FAM81A: variants seen among roughly 807,000 people sequenced by gnomAD.
FAM81A encodes family with sequence similarity 81 member A.
Under a neutral mutation model 46.7 loss-of-function variants are expected in FAM81A, and 19 were observed. The observed-to-expected ratio is 0.41, with a 90% confidence interval of 0.28 to 0.60. The LOEUF (loss-of-function observed/expected upper bound fraction) is 0.60. Ranked by LOEUF, FAM81A falls within the 20% of genes least tolerant of loss-of-function variation. The pLI is 0.34. For missense variants in FAM81A, 377 were observed against 453.5 expected, an observed-to-expected ratio of 0.83 and a Z score of 1.53; for synonymous variants, 183 against 152.9, an observed-to-expected ratio of 1.20 and a Z score of -1.45.
At chr15:59,406,087 C>T (rs1443108921) in intron 2 of FAM81A, among the ~76,000 whole-genome samples, 1 of 152,138 alleles carries the variant, frequency 6.6e-6, no homozygotes, top group Non-Finnish European at 1.5e-5. Context: ...AATGTGAAAC[C>T]ACTGGGCACA....
At position 59,460,063 on chromosome 15, in the gene FAM81A, G is replaced by A. The variant is rs374159418; in HGVS notation, c.151G>A (p.Ala51Thr). 11 of 1,613,790 alleles carry A rather than the reference G, an allele frequency of 6.8e-6. No homozygotes were observed. The highest frequency in any genetic ancestry group is 2.2e-5 in the South Asian group (2 of 91,084). The stretch of plus-strand genomic sequence containing the variant: ...AACCACCGCCGCCCTCGTAGAGCAC[G>A]CCTTTCGGATTAAAGATGACATTGT... ...EKTTAALVEHAFRIKDDIVNS... is the reference protein window; with the variant it reads ...EKTTAALVEHTFRIKDDIVNS... The change falls in exon 3 of 9, where the codon GCC (alanine) becomes ACC (threonine). Residue 51 changes from alanine to threonine, a missense_variant. Transcript: ENST00000288228. This position sits in a 1 kb window ranked among gnomAD's most constrained non-coding sequence, Gnocchi z 4.4.
rs1567039164 is a variant in FAM81A, at chr15:59,421,782, TCTATCTATCTAC to T, written c.-78+19428_-78+19439del. 6.1e-3 allele frequency among the ~76,000 whole-genome samples: 879 copies of T among 143,752 alleles called. 13 individuals carry two copies. Among genetic ancestry groups the T allele is most frequent in the African/African-American group, 0.021 (831 of 39,328 alleles). The allele number at this position is 143,752 out of a possible 152,430, so 94.3% of individuals were successfully genotyped here. On this transcript the variant is annotated intron_variant, in intron 2 of 4. Transcript: ENST00000558348. ...ATCTATCTATCTATCTATCTATCTA[TCTATCTATCTAC>T]CTACCTAACTACCTACCAAAAAAGC...
intron 2 of FAM81A, among the ~76,000 whole-genome samples, chr15:59,419,804 C>T (rs1261565332): frequency 1.3e-5 from 2 of 149,802 alleles, no homozygotes; most frequent in Non-Finnish European, 3.0e-5. Flanking sequence ...AGAATCACTC[C>T]TGGAGCTGGA....
chr15:59,421,809 AC>A (rs1317550547), intron 2 of FAM81A, among the ~76,000 whole-genome samples: 4 of 150,876 alleles, frequency 2.7e-5, no homozygotes, highest in East Asian at 3.9e-4. Context: ...CTAACTACCT[AC>A]CAAAAAAGCA....
chr15:59,408,672 C>G (rs1196772832), intron 2 of FAM81A, among the ~76,000 whole-genome samples: 1 of 151,842 alleles, frequency 6.6e-6, no homozygotes, highest in African/African-American at 2.4e-5. Context: ...ACTAAAAATA[C>G]AAAAAAATGA....
At chr15:59,492,511 C>G (rs978779657) in intron 4 of FAM81A, 122 bp downstream of exon 4, 30 of 737,934 alleles carry the variant, frequency 4.1e-5, no homozygotes, top group Non-Finnish European at 6.1e-5. Flanking sequence ...AGTACATTCC[C>G]TCCCTGCTTT....
chr15:59,399,168 C>CAAAACA (rs1336141065), intron 1 of FAM81A, among the ~76,000 whole-genome samples: 1 of 151,822 alleles, frequency 6.6e-6, no homozygotes, highest in Non-Finnish European at 1.5e-5. Context: ...GACTCCATCT[C>CAAAACA]AAAACAAAAA....
At chr15:59,476,457 C>T (rs1402921747) in intron 3 of FAM81A, among the ~76,000 whole-genome samples, 5 of 152,084 alleles carry the variant, frequency 3.3e-5, no homozygotes, top group Admixed American at 6.5e-5. Context: ...TTAAAAAGTA[C>T]TAAAAGGAAG....
At chr15:59,405,990 T>A (rs573955937) in intron 2 of FAM81A, among the ~76,000 whole-genome samples, 103 of 152,312 alleles carry the variant, frequency 6.8e-4, no homozygotes, top group African/African-American at 2.4e-3. Context: ...TTCTGCCTGA[T>A]AACAAATACT....
At position 59,492,295 on chromosome 15, in the gene FAM81A, C is replaced by G. The variant is rs779306552; in HGVS notation, c.319C>G (p.Arg107Gly). 44 of 1,613,120 alleles carry G rather than the reference C, an allele frequency of 2.7e-5. No homozygotes were observed. The highest frequency in any genetic ancestry group is 3.6e-5 in the Non-Finnish European group (42 of 1,179,594). ...GGTACTCCAGGAGCAGATTCGTGCCCGGGACAACATTAGCTATGGAACTAA... is the reference window on the plus strand; with the variant it reads ...GGTACTCCAGGAGCAGATTCGTGCCGGGGACAACATTAGCTATGGAACTAA... ...IEVLQEQIRA[R>G]DNISYGTNSA... Residue 107 changes from arginine (R) to glycine (G), a missense_variant, in exon 4 of 9, where the codon CGG becomes GGG. Arg to Gly is a moderately radical substitution (Grantham distance 125). Transcript: ENST00000288228.
chr15:59,446,112 G>A (rs750367692), intron 1 of FAM81A, among the ~76,000 whole-genome samples: 1 of 152,234 alleles, frequency 6.6e-6, no homozygotes, highest in African/African-American at 2.4e-5. Context: ...ATGAGTGTCC[G>A]TGAAGAGGCG....
At chr15:59,457,287 C>G (rs1288583645) in intron 1 of FAM81A, among the ~76,000 whole-genome samples, 1 of 152,214 alleles carries the variant, frequency 6.6e-6, no homozygotes, top group Non-Finnish European at 1.5e-5. Context: ...GAATCATCCT[C>G]TTGTCCAGCA....
chr15:59,415,455 T>G (rs1457037002), intron 2 of FAM81A, among the ~76,000 whole-genome samples: 1 of 152,106 alleles, frequency 6.6e-6, no homozygotes, highest in Non-Finnish European at 1.5e-5. Context: ...GATCTTGAGA[T>G]GGGGCCAATC....
At chr15:59,417,551 CA>C (rs34839033) in intron 2 of FAM81A, among the ~76,000 whole-genome samples, 26,861 of 139,372 alleles carry the variant, frequency 0.19, 3,630 homozygotes, top group African/African-American at 0.4. Context: ...ACTAAAAATA[CA>C]AAAAAAAAAA....
At chr15:59,455,511 T>C (rs1008359380) in intron 1 of FAM81A, among the ~76,000 whole-genome samples, 25 of 152,240 alleles carry the variant, frequency 1.6e-4, no homozygotes, top group Admixed American at 1.6e-3. Context: ...CTGTGACTTA[T>C]TCATTATCAA....
chr15:59,440,461 C>G (rs1448796019), intron 1 of FAM81A, among the ~76,000 whole-genome samples: 10 of 152,206 alleles, frequency 6.6e-5, no homozygotes, highest in Non-Finnish European at 1.5e-5. Context: ...AAAACGTGAG[C>G]AGCCAGCTTC....
intron 3 of FAM81A, among the ~76,000 whole-genome samples, chr15:59,473,913 G>C (rs2081731656): frequency 6.6e-6 from 1 of 152,196 alleles, no homozygotes; most frequent in Admixed American, 6.5e-5. Context: ...CTGGGCCCAA[G>C]CAGTCCTCTC....
intron 4 of FAM81A, among the ~76,000 whole-genome samples, chr15:59,505,068 T>A (rs2082134567): frequency 6.6e-6 from 1 of 152,208 alleles, no homozygotes; most frequent in South Asian, 2.1e-4. Flanking sequence ...TTGGAACTCC[T>A]CCTTGACTTA....
rs1174795784 is a variant in FAM81A, at chr15:59,522,031, A to G, written c.*653A>G. On this transcript the variant is annotated 3_prime_UTR_variant, in exon 9 of 9. Coordinates refer to ENST00000288228, the MANE Select transcript of FAM81A (RefSeq NM_152450.3). ...AAATGGAAACTTATTTAGATAACGT[A>G]AGGCTCAATATCTGCGTTGACCACC... 4 of 152,658 alleles carry G rather than the reference A, an allele frequency of 2.6e-5. 1 individual carries two copies. Among genetic ancestry groups the G allele is most frequent in the African/African-American group, 4.8e-5 (2 of 41,464 alleles). The allele number at this position is 152,658 out of a possible 1,614,324, so 9.5% of individuals were successfully genotyped here.
Sources: gnomAD v4.1 joint callset for allele counts (sites outside exome capture counted in the v4.1 genomes callset) on GRCh38, gnomAD v4.1.1 for gene constraint, Gnocchi (gnomAD v3.1) non-coding constraint, MANE v1.5 for transcripts, NCBI Gene and HGNC (gene_info 2026-07-23, HGNC 2026-07-21) for gene names.